The following BTBD9 variants were observed in gnomAD, a reference collection of about 807,000 sequenced individuals.
BTBD9 encodes the protein BTB domain containing 9.
A neutral mutation model predicts 64.3 loss-of-function variants in BTBD9; 49 were observed. The observed-to-expected ratio is 0.76, with a 90% CI of 0.61 to 0.97. The LOEUF (loss-of-function observed/expected upper bound fraction) is 0.97. Ranked by LOEUF, BTBD9 falls within the 50% of genes least tolerant of loss-of-function variation. The pLI, the probability that BTBD9 is intolerant of heterozygous loss-of-function variation, is 0.00. For missense variants in BTBD9, 598 were observed against 762.1 expected (o/e 0.78, Z 2.53); for synonymous variants, 260 against 274.7 (o/e 0.95, Z 0.53).
At chr6:38,214,442 T>C (rs567776747) in intron 9 of BTBD9, among the ~76,000 whole-genome samples, 3 of 152,342 alleles carry the variant, frequency 2.0e-5, no homozygotes, top group African/African-American at 7.2e-5. Flanking sequence ...GTTAAGTACA[T>C]ACATTAAGTT....
At chr6:38,560,753 C>A (rs566961270) in intron 6 of BTBD9, among the ~76,000 whole-genome samples, 1 of 152,234 alleles carries the variant, frequency 6.6e-6, no homozygotes, top group Non-Finnish European at 1.5e-5. Context: ...CTCAAGTACA[C>A]CCCAGTGTCT....
At chr6:38,369,705 C>G (rs1042906670) in intron 6 of BTBD9, among the ~76,000 whole-genome samples, 1 of 152,228 alleles carries the variant, frequency 6.6e-6, no homozygotes, top group African/African-American at 2.4e-5. Context: ...AAAATTGGAG[C>G]TTTAGCTCTG....
intron 6 of BTBD9, among the ~76,000 whole-genome samples, chr6:38,465,492 G>A (rs1337340805): frequency 1.1e-4 from 16 of 142,188 alleles, no homozygotes; most frequent in African/African-American, 1.8e-4. Flanking sequence ...TTAGCCGGGC[G>A]TGGTGGTGGG....
At position 38,323,208 on chromosome 6, in the gene BTBD9, A is replaced by G. The variant is rs572045748; in HGVS notation, c.1264+21776T>C. Among the ~76,000 whole-genome samples the G allele has an allele frequency of 2.6e-5, 4 of 152,354 alleles. No homozygotes were observed. The East Asian group carries it at 7.7e-4, about 29-fold the overall frequency. ...TTGGGTCATGAAATTACACAGCAGC[A>G]TGATAATTTTTTCCCATCACCTGCC... On this transcript the variant is annotated intron_variant, in intron 7 of 10. Transcript: ENST00000481247.
chr6:38,520,418 A>T (rs951317436), intron 6 of BTBD9, among the ~76,000 whole-genome samples: 46 of 152,194 alleles, frequency 3.0e-4, no homozygotes, highest in Non-Finnish European at 2.8e-4. Flanking sequence ...CCGAGATCAC[A>T]CCACTGCACT....
rs1425278168 is a variant in BTBD9 at position 38,594,007 on chromosome 6, G to A, written c.506C>T (p.Ala169Val). The A allele has an allele frequency of 1.2e-6, 2 of 1,614,060 alleles. No individual in the cohort carries two copies. The highest frequency in any genetic ancestry group is 2.2e-5 in the East Asian group (1 of 44,886). ...ACCTTCACTTGAGAGGACTTCCTGA[G>A]CATTCCTATCCATAAACATGCAGCA... is the stretch of plus-strand genomic sequence containing the variant. The part of the protein sequence containing the change: ...CMCCMFMDRN[A>V]QEVLSSEGFL... The change falls in exon 3 of 11, where the codon GCT (alanine) becomes GTT (valine). Residue 169 changes from alanine to valine, a missense_variant. By Grantham distance (64) the Ala-to-Val change is moderately conservative. Transcript: ENST00000481247.
chr6:38,596,571 C>T (rs925544045), intron 2 of BTBD9, among the ~76,000 whole-genome samples: 24 of 151,566 alleles, frequency 1.6e-4, no homozygotes, highest in Non-Finnish European at 2.9e-4. Context: ...GAGGCTGAGG[C>T]GGGCGGATCA....
chr6:38,528,528 G>A (rs1003339665), intron 6 of BTBD9, among the ~76,000 whole-genome samples: 1 of 152,158 alleles, frequency 6.6e-6, no homozygotes, highest in African/African-American at 2.4e-5. Flanking sequence ...TCTTACCTCT[G>A]TTTGAGAAGA....
At chr6:38,606,236 T>C (rs889447967) in intron 1 of BTBD9, among the ~76,000 whole-genome samples, 6 of 152,158 alleles carry the variant, frequency 3.9e-5, no homozygotes, top group Non-Finnish European at 7.4e-5. Flanking sequence ...AGAGGGCCTA[T>C]TGTGGGACTT....
intron 1 of BTBD9, among the ~76,000 whole-genome samples, chr6:38,618,498 C>T (rs1777870741): frequency 6.6e-6 from 1 of 152,186 alleles, no homozygotes; most frequent in African/African-American, 2.4e-5. Flanking sequence ...GCTCCCCTTC[C>T]TATAATGATG....
In BTBD9 at chr6:38,593,983, CCTT is replaced by C; in HGVS notation, c.527_529del (p.Glu176del). ...ACACACCTTAGAAAGGGAGAGGAAA[CCTT>C]CACTTGAGAGGACTTCCTGAGCATT... On this transcript the variant is annotated inframe_deletion, in exon 3 of 11. Transcript: ENST00000481247. 6.2e-7 allele frequency: 1 copy of C among 1,612,770 alleles called. No individual in the cohort carries two copies. The highest frequency in any genetic ancestry group is 8.5e-7 in the Non-Finnish European group (1 of 1,179,366).
chr6:38,552,512 G>GC (rs1774852358), intron 6 of BTBD9, among the ~76,000 whole-genome samples: 3 of 152,138 alleles, frequency 2.0e-5, no homozygotes, highest in Admixed American at 2.0e-4. Flanking sequence ...GGGCACAGTG[G>GC]CTCAGGCCTG....
chr6:38,495,633 T>C (rs1771920389), intron 6 of BTBD9, among the ~76,000 whole-genome samples: 1 of 152,210 alleles, frequency 6.6e-6, no homozygotes, highest in African/African-American at 2.4e-5. Context: ...TTTCTATACA[T>C]AATCGTATTA....
At chr6:38,618,446 G>A (rs1432570667) in intron 1 of BTBD9, among the ~76,000 whole-genome samples, 3 of 152,150 alleles carry the variant, frequency 2.0e-5, no homozygotes, top group African/African-American at 4.8e-5. Flanking sequence ...ACATTCCACA[G>A]GAGGACCTCT....
chr6:38,587,431 G>A, intron 4 of BTBD9: 1 of 539,174 alleles, frequency 1.9e-6, no homozygotes, highest in Non-Finnish European at 3.6e-6. Flanking sequence ...TACTTATGAT[G>A]AATTAGTGCT....
intron 6 of BTBD9, among the ~76,000 whole-genome samples, chr6:38,542,624 T>C (rs1254297874): frequency 2.6e-5 from 4 of 152,134 alleles, no homozygotes; most frequent in Non-Finnish European, 5.9e-5. Context: ...TAAATATTAA[T>C]TGATGATATT....
At chr6:38,614,233 G>T (rs1006557137) in intron 1 of BTBD9, among the ~76,000 whole-genome samples, 6 of 152,008 alleles carry the variant, frequency 3.9e-5, no homozygotes, top group Admixed American at 3.9e-4. Context: ...GCCAATCTAG[G>T]TCACCTCTTC....
intron 6 of BTBD9, among the ~76,000 whole-genome samples, chr6:38,486,031 T>TTA: frequency 6.6e-6 from 1 of 152,324 alleles, no homozygotes; most frequent in African/African-American, 2.4e-5. Flanking sequence ...CATTTTTATG[T>TTA]TATGGAGATG....
intron 6 of BTBD9, among the ~76,000 whole-genome samples, chr6:38,532,940 C>T (rs1773862271): frequency 6.6e-6 from 1 of 151,658 alleles, no homozygotes; most frequent in Non-Finnish European, 1.5e-5. Flanking sequence ...GCGAGTAGAG[C>T]ACAAAGTGGG....
Sources: allele counts gnomAD v4.1 joint callset (sites outside exome capture counted in the v4.1 genomes callset), GRCh38; gene constraint gnomAD v4.1.1; transcripts MANE v1.5; gene names NCBI Gene and HGNC (gene_info 2026-07-23, HGNC 2026-07-21).